Variants in RASSF5 observed in about 807,000 individuals in gnomAD.
RASSF5 encodes the protein ras association domain-containing protein 5.
A neutral mutation model predicts 40.5 loss-of-function variants in RASSF5; 25 were observed. The observed-to-expected ratio is 0.62, with a 90% CI of 0.45 to 0.86. The LOEUF is 0.86. Ranked by LOEUF, RASSF5 falls within the 40% of genes least tolerant of loss-of-function variation. The pLI, the probability that RASSF5 is intolerant of heterozygous loss-of-function variation, is 0.00. For synonymous variants in RASSF5, 246 were observed against 252.4 expected, an observed-to-expected ratio of 0.97 and a Z score of 0.24; for missense variants, 521 against 572.8, an observed-to-expected ratio of 0.91 and a Z score of 0.92.
intron 1 of RASSF5, among the ~76,000 whole-genome samples, chr1:206,523,858 A>G (rs2103510295): frequency 9.1e-6 from 1 of 109,436 alleles, no homozygotes; most frequent in East Asian, 2.3e-4. Flanking sequence ...TATACAATAT[A>G]TTTTATATAT....
intron 2 of RASSF5, among the ~76,000 whole-genome samples, chr1:206,547,324 A>G (rs181323534): frequency 2.0e-5 from 3 of 151,980 alleles, no homozygotes; most frequent in Admixed American, 6.6e-5. Context: ...GCCACGCTTC[A>G]TCTGTATTTA....
At chr1:206,559,906 G>C (rs112146409) in intron 2 of RASSF5, among the ~76,000 whole-genome samples, 6 of 152,136 alleles carry the variant, frequency 3.9e-5, no homozygotes, top group Admixed American at 6.5e-5. Context: ...GGCTGAGCTG[G>C]GGACGCGTCC....
intron 2 of RASSF5, among the ~76,000 whole-genome samples, chr1:206,578,222 CAA>C (rs79362621): frequency 6.6e-5 from 9 of 137,248 alleles, no homozygotes; most frequent in Non-Finnish European, 1.3e-4. Flanking sequence ...GGAGACATCT[CAA>C]AAAAAAAAAG....
At chr1:206,532,308 T>C (rs1553398090) in intron 1 of RASSF5, among the ~76,000 whole-genome samples, 1 of 152,174 alleles carries the variant, frequency 6.6e-6, no homozygotes, top group Admixed American at 6.5e-5. Context: ...ATGTAGTTCT[T>C]GACATCAGGA....
intron 1 of RASSF5, among the ~76,000 whole-genome samples, chr1:206,508,761 G>T (rs986876411): frequency 6.6e-6 from 1 of 151,852 alleles, no homozygotes; most frequent in Non-Finnish European, 1.5e-5. Context: ...TGCCCTAGTC[G>T]TCATGCTCTA....
intron 2 of RASSF5, among the ~76,000 whole-genome samples, chr1:206,576,690 T>C (rs1217103301): frequency 1.3e-5 from 2 of 152,148 alleles, no homozygotes; most frequent in Non-Finnish European, 2.9e-5. Context: ...AGAAATTGCA[T>C]TGGGAAACTA....
intron 1 of RASSF5, among the ~76,000 whole-genome samples, chr1:206,514,104 A>G (rs1321006779): frequency 6.6e-6 from 1 of 152,240 alleles, no homozygotes; most frequent in African/African-American, 2.4e-5. Flanking sequence ...CCTAGAGTAC[A>G]CAAAGGTTTG....
chr1:206,585,322 C>T, intron 5 of RASSF5, 27 bp downstream of exon 5: 1 of 1,585,508 alleles, frequency 6.3e-7, no homozygotes, highest in African/African-American at 1.3e-5. Flanking sequence ...TGTGCAAACC[C>T]AGGCCTTAGG....
At chr1:206,562,951 C>T (rs535264170) in intron 2 of RASSF5, among the ~76,000 whole-genome samples, 28 of 151,940 alleles carry the variant, frequency 1.8e-4, no homozygotes, top group Admixed American at 3.3e-4. Context: ...TGACCAAATA[C>T]TGCTTGGGTT....
At chr1:206,524,185 T>TAA (rs1157426263) in intron 1 of RASSF5, among the ~76,000 whole-genome samples, 1 of 136,462 alleles carries the variant, frequency 7.3e-6, no homozygotes, top group Non-Finnish European at 1.5e-5. Flanking sequence ...ACTTTATATA[T>TAA]AATATAGATA....
At chr1:206,557,562 A>G (rs782002567) in intron 2 of RASSF5, 1 of 1,613,280 alleles carries the variant, frequency 6.2e-7, no homozygotes, top group African/African-American at 1.3e-5. Flanking sequence ...TCGGCCGGGA[A>G]CTCCGGGGTA....
At chr1:206,586,706 T>C (rs939101696) in intron 5 of RASSF5, 120 bp from the exon 6 acceptor site, 1 of 778,798 alleles carries the variant, frequency 1.3e-6, no homozygotes. Flanking sequence ...AGTAGCAAAC[T>C]GTGTGTGAAT....
Position 206,557,862 on chromosome 1 carries a change from T to C in RASSF5, c.579+19569T>C, listed in dbSNP as rs557045537. Among the ~76,000 whole-genome samples, 7 of 152,318 alleles carry C rather than the reference T, an allele frequency of 4.6e-5. No homozygotes were observed. In the South Asian group the frequency reaches 1.2e-3, roughly 27 times the overall value. On this transcript the variant is annotated intron_variant, in intron 2 of 5. Coordinates refer to ENST00000579436, the MANE Select transcript of RASSF5 (RefSeq NM_182663.4). ...TCGTATCTGGAGCCCTTCAGGGACC[T>C]GCACTATTCAGTTGGTCAGCCCTCC... is the stretch of plus-strand genomic sequence containing the variant.
At chr1:206,548,738 C>G (rs180702256) in intron 2 of RASSF5, among the ~76,000 whole-genome samples, 128 of 152,238 alleles carry the variant, frequency 8.4e-4, no homozygotes, top group African/African-American at 2.9e-3. Flanking sequence ...ATTATTTCTT[C>G]AAATATTTTC....
At position 206,587,715 on chromosome 1, in the gene RASSF5, G is replaced by C. The variant is rs1483794001; in HGVS notation, c.*737G>C. On this transcript the variant is annotated 3_prime_UTR_variant, in exon 6 of 6. Transcript: ENST00000579436. ...TTAGTCACATCTTTGTCAACAAACT[G>C]TTCGTTTTTAAGTTACAAATTTGAA... 1 of 152,398 alleles carries C rather than the reference G, an allele frequency of 6.6e-6. No homozygotes were observed. The highest frequency in any genetic ancestry group is 1.5e-5 in the Non-Finnish European group (1 of 68,058). The allele number at this position is 152,398 out of a possible 1,614,324, so 9.4% of individuals were successfully genotyped here.
At chr1:206,562,234 A>T (rs1553402777) in intron 2 of RASSF5, among the ~76,000 whole-genome samples, 1 of 152,152 alleles carries the variant, frequency 6.6e-6, no homozygotes, top group African/African-American at 2.4e-5. Flanking sequence ...CAGCCCTGGG[A>T]CAGTTGGGGA....
At chr1:206,518,283 GT>G in intron 1 of RASSF5, 4 of 396,218 alleles carry the variant, frequency 1.0e-5, no homozygotes, top group Non-Finnish European at 1.8e-5. Context: ...CCAGGTGACT[GT>G]CCAGGTCATG....
At chr1:206,523,730 TTA>T (rs1460242703) in intron 1 of RASSF5, among the ~76,000 whole-genome samples, 2 of 93,636 alleles carry the variant, frequency 2.1e-5, no homozygotes, top group African/African-American at 4.4e-5. Flanking sequence ...TATTTATATA[TTA>T]TATATAATAT....
intron 2 of RASSF5, among the ~76,000 whole-genome samples, chr1:206,539,868 TG>T (rs1461324686): frequency 6.6e-6 from 1 of 152,238 alleles, no homozygotes; most frequent in African/African-American, 2.4e-5. Context: ...CAACCTTTTC[TG>T]GTCTCAATTT....
Sources: allele counts gnomAD v4.1 joint callset (sites outside exome capture counted in the v4.1 genomes callset), GRCh38; gene constraint gnomAD v4.1.1; transcripts MANE v1.5; gene names NCBI Gene and HGNC (gene_info 2026-07-23, HGNC 2026-07-21).